STXBP4: variants seen among roughly 807,000 people sequenced by gnomAD.
STXBP4 encodes the protein syntaxin-binding protein 4.
A neutral mutation model predicts 76.1 loss-of-function variants in STXBP4; 55 were observed. The ratio of observed to expected loss-of-function variants is 0.72; its 90% CI spans 0.58 to 0.91. The LOEUF (loss-of-function observed/expected upper bound fraction) is 0.91, where lower values mean the gene tolerates loss of function less well. Ranked by LOEUF, STXBP4 falls within the 40% of genes least tolerant of loss-of-function variation. The probability of loss-of-function intolerance (pLI) is 0.00; values close to 1 mark genes in which losing one functional copy is unlikely to be tolerated. For synonymous variants in STXBP4, 201 were observed against 220.2 expected, an observed-to-expected ratio of 0.91 and a Z score of 0.77; for missense variants, 618 against 636.9, an observed-to-expected ratio of 0.97 and a Z score of 0.32.
chr17:55,031,658 A>G (rs1367302660), intron 9 of STXBP4, among the ~76,000 whole-genome samples: 1 of 152,116 alleles, frequency 6.6e-6, no homozygotes, highest in Non-Finnish European at 1.5e-5. Context: ...GATGCTACCT[A>G]ATTAGAGTCA....
chr17:55,140,928 C>T (rs2080088076), intron 16 of STXBP4, among the ~76,000 whole-genome samples: 1 of 152,148 alleles, frequency 6.6e-6, no homozygotes. Context: ...GTAAAGGGAG[C>T]CAATTAAAGA....
chr17:55,074,266 C>CA (rs2079155126), intron 13 of STXBP4, among the ~76,000 whole-genome samples: 1 of 152,144 alleles, frequency 6.6e-6, no homozygotes, highest in Non-Finnish European at 1.5e-5. Flanking sequence ...TGTTAAAAGT[C>CA]ACTAAACTAT....
At chr17:54,971,272 G>A (rs972651629) in intron 1 of STXBP4, among the ~76,000 whole-genome samples, 3 of 152,176 alleles carry the variant, frequency 2.0e-5, no homozygotes, top group Non-Finnish European at 2.9e-5. Context: ...TATGTAGTCA[G>A]CTTGGACTAC....
chr17:55,186,232 C>T, the STXBP4 span, among the ~76,000 whole-genome samples: 1 of 152,150 alleles, frequency 6.6e-6, no homozygotes, highest in Admixed American at 6.5e-5. Flanking sequence ...GAGACAGGAT[C>T]TCGCTCTCTC....
chr17:55,131,464 T>G (rs570415612), intron 16 of STXBP4, among the ~76,000 whole-genome samples: 1 of 152,350 alleles, frequency 6.6e-6, no homozygotes, highest in South Asian at 2.1e-4. Flanking sequence ...TTGACTTAAT[T>G]AGCAAGCTGC....
chr17:55,061,297 T>C (rs2078991765), intron 12 of STXBP4, among the ~76,000 whole-genome samples: 1 of 152,204 alleles, frequency 6.6e-6, no homozygotes, highest in Non-Finnish European at 1.5e-5. Flanking sequence ...TTTCACACTT[T>C]TAAAGATTGT....
rs1396539134 is a variant in STXBP4, at chr17:55,165,299, G to T, written c.*5388G>T. On this transcript the variant is annotated 3_prime_UTR_variant, in exon 18 of 18. Transcript: ENST00000376352. ...AGGAGAAAAAAGAACAAAAATGTTG[G>T]TAGGGCACAGAGAAGGACCTGGGCT... 6.6e-6 allele frequency: 1 copy of T among 152,200 alleles called. No individual in the cohort carries two copies. Among genetic ancestry groups the T allele is most frequent in the Non-Finnish European group, 1.5e-5 (1 of 68,052 alleles). 9.4% of individuals were successfully genotyped at this position (152,200 alleles called of 1,614,324 possible). A position where few individuals can be genotyped will look rare whatever the true frequency, so the allele number is the denominator to read the frequency against.
At chr17:55,130,775 T>A (rs2787489) in intron 16 of STXBP4, among the ~76,000 whole-genome samples, 97,007 of 152,072 alleles carry the variant, frequency 0.64, 31,815 homozygotes, top group African/African-American at 0.79. Flanking sequence ...CATGTCACAG[T>A]TGTCTTTCTG....
At chr17:55,010,760 C>A (rs2078095991) in intron 8 of STXBP4, among the ~76,000 whole-genome samples, 1 of 152,150 alleles carries the variant, frequency 6.6e-6, no homozygotes, top group African/African-American at 2.4e-5. Flanking sequence ...TACCCAATGT[C>A]TCATTATAGT....
At chr17:55,049,644 A>G (rs2078834056) in intron 12 of STXBP4, among the ~76,000 whole-genome samples, 1 of 152,028 alleles carries the variant, frequency 6.6e-6, no homozygotes, top group Admixed American at 6.6e-5. Context: ...TTAAGTAAAA[A>G]GGACACACAA....
chr17:55,116,404 A>G (rs181165009), intron 16 of STXBP4, among the ~76,000 whole-genome samples: 19 of 151,952 alleles, frequency 1.3e-4, no homozygotes, highest in Admixed American at 9.2e-4. Context: ...CATCTCTTCT[A>G]TTTAGTTGCT....
intron 17 of STXBP4, among the ~76,000 whole-genome samples, chr17:55,142,014 GAT>G (rs777300285): frequency 6.6e-6 from 1 of 152,110 alleles, no homozygotes; most frequent in Non-Finnish European, 1.5e-5. Flanking sequence ...CTGTTTTATA[GAT>G]GAAGAAAATA....
At chr17:55,110,391 C>G (rs919595681) in intron 16 of STXBP4, among the ~76,000 whole-genome samples, 1 of 152,088 alleles carries the variant, frequency 6.6e-6, no homozygotes, top group Non-Finnish European at 1.5e-5. Context: ...CTGCCTATCA[C>G]AGAGAGTTAG....
At chr17:54,991,094 A>AT in intron 4 of STXBP4, 137 bp downstream of exon 4, 1 of 958,006 alleles carries the variant, frequency 1.0e-6, no homozygotes, top group Non-Finnish European at 1.4e-6. Flanking sequence ...GAATTAGAAG[A>AT]TAAGACTATT....
intron 8 of STXBP4, chr17:55,030,880 C>G (rs2078495418): frequency 4.2e-6 from 1 of 237,966 alleles, no homozygotes; most frequent in East Asian, 8.8e-5. Flanking sequence ...TTACATGTGC[C>G]AAATCATATA....
At chr17:55,123,513 G>C in intron 16 of STXBP4, among the ~76,000 whole-genome samples, 1 of 152,124 alleles carries the variant, frequency 6.6e-6, no homozygotes, top group East Asian at 1.9e-4. Flanking sequence ...TAAAAGAGTT[G>C]CAATGTAGAA....
At chr17:55,090,970 A>C (rs1471056643) in intron 16 of STXBP4, among the ~76,000 whole-genome samples, 1 of 152,068 alleles carries the variant, frequency 6.6e-6, no homozygotes, top group Non-Finnish European at 1.5e-5. Context: ...TAGGATTTTA[A>C]GCTTCAGAGA....
At chr17:55,123,697 G>A (rs894587645) in intron 16 of STXBP4, among the ~76,000 whole-genome samples, 6 of 151,872 alleles carry the variant, frequency 4.0e-5, no homozygotes, top group South Asian at 2.1e-4. Context: ...TCAGGAGATC[G>A]AGACCATCCT....
intron 15 of STXBP4, among the ~76,000 whole-genome samples, chr17:55,080,241 A>G (rs552425375): frequency 1.3e-5 from 2 of 152,214 alleles, no homozygotes; most frequent in African/African-American, 4.8e-5. Context: ...ATGGTGTCTT[A>G]GTAAATTAAA....
Sources: allele counts gnomAD v4.1 joint callset (sites outside exome capture counted in the v4.1 genomes callset), GRCh38; gene constraint gnomAD v4.1.1; transcripts MANE v1.5; gene names NCBI Gene and HGNC (gene_info 2026-07-23, HGNC 2026-07-21).